Variants in PPP3R1 observed in about 807,000 individuals in gnomAD.
The protein encoded by PPP3R1 is calcineurin subunit B type 1.
In PPP3R1, 5 loss-of-function variants were observed where a neutral mutation model predicts 22.6. The observed-to-expected ratio is 0.22, with a 90% confidence interval of 0.12 to 0.46. The LOEUF (loss-of-function observed/expected upper bound fraction) is 0.46. Among genes scored for constraint, PPP3R1 ranks in the 20% least tolerant of loss-of-function variants. The pLI is 0.99. For missense variants in PPP3R1, 61 were observed against 203.2 expected (o/e 0.30, Z 4.25); for synonymous variants, 56 against 65.2 (o/e 0.86, Z 0.68).
intron 2 of PPP3R1, among the ~76,000 whole-genome samples, chr2:68,191,024 A>G (rs1674656224): frequency 6.6e-6 from 1 of 152,354 alleles, no homozygotes; most frequent in Admixed American, 6.5e-5. Context: ...TACTCTATCC[A>G]TATTTTTCCC....
chr2:68,198,396 T>C (rs1029137871), intron 2 of PPP3R1, among the ~76,000 whole-genome samples: 8 of 77,988 alleles, frequency 1.0e-4, no homozygotes, highest in South Asian at 4.0e-4. Context: ...TATATATGTA[T>C]ATATATGTGT....
At chr2:68,196,975 T>C (rs1039825798) in intron 2 of PPP3R1, among the ~76,000 whole-genome samples, 4 of 152,220 alleles carry the variant, frequency 2.6e-5, no homozygotes, top group African/African-American at 4.8e-5. Context: ...TCTGCCCACC[T>C]TGGCCTCCCA....
intron 1 of PPP3R1, among the ~76,000 whole-genome samples, chr2:68,217,894 A>G (rs541021671): frequency 2.0e-5 from 3 of 152,226 alleles, no homozygotes; most frequent in African/African-American, 7.2e-5. Flanking sequence ...ACATTTAACA[A>G]CTCTTGAGAA....
chr2:68,209,523 G>T (rs1311401242), intron 2 of PPP3R1, among the ~76,000 whole-genome samples: 3 of 151,948 alleles, frequency 2.0e-5, no homozygotes, highest in Non-Finnish European at 4.4e-5. Flanking sequence ...AGAGGCTGAG[G>T]TGCATGGATT....
At chr2:68,210,536 A>G (rs747976045) in intron 2 of PPP3R1, among the ~76,000 whole-genome samples, 1 of 152,236 alleles carries the variant, frequency 6.6e-6, no homozygotes, top group Non-Finnish European at 1.5e-5. Flanking sequence ...AAATCCAACT[A>G]AGTCAGACAA....
At chr2:68,248,160 T>C (rs1177529112) in intron 1 of PPP3R1, among the ~76,000 whole-genome samples, 4 of 152,170 alleles carry the variant, frequency 2.6e-5, no homozygotes, top group Non-Finnish European at 5.9e-5. Context: ...CATGCTTCCA[T>C]GACTTCGAAC....
At chr2:68,249,758 A>G (rs904450060) in intron 1 of PPP3R1, among the ~76,000 whole-genome samples, 4 of 152,100 alleles carry the variant, frequency 2.6e-5, no homozygotes, top group African/African-American at 9.7e-5. Flanking sequence ...CGTTTAAGGC[A>G]CCAACTAAAA....
At chr2:68,243,219 A>G (rs1376520829) in intron 1 of PPP3R1, among the ~76,000 whole-genome samples, 1 of 152,240 alleles carries the variant, frequency 6.6e-6, no homozygotes, top group Non-Finnish European at 1.5e-5. Flanking sequence ...AGAAATCTTC[A>G]AACATTTTAA....
chr2:68,211,406 CAAAAAAAAAA>C (rs3979551), intron 2 of PPP3R1, among the ~76,000 whole-genome samples: 34 of 77,412 alleles, frequency 4.4e-4, no homozygotes, highest in African/African-American at 1.8e-3. Context: ...GACTCTGTCT[CAAAAAAAAAA>C]AAAAAAAAAC....
At chr2:68,207,102 GA>G (rs11414849) in intron 2 of PPP3R1, among the ~76,000 whole-genome samples, 1,584 of 128,832 alleles carry the variant, frequency 0.012, 21 homozygotes, top group African/African-American at 0.044. Context: ...GAGGTTTTGG[GA>G]AAAAAAAAAG....
intron 2 of PPP3R1, among the ~76,000 whole-genome samples, chr2:68,216,437 T>TA (rs1379204322): frequency 2.0e-5 from 3 of 151,692 alleles, no homozygotes; most frequent in Non-Finnish European, 4.4e-5. Flanking sequence ...ACAAAAAACT[T>TA]AGTGATTCTA....
chr2:68,237,993 T>C (rs774702125), intron 1 of PPP3R1, among the ~76,000 whole-genome samples: 4 of 152,162 alleles, frequency 2.6e-5, no homozygotes, highest in Non-Finnish European at 4.4e-5. Flanking sequence ...TACTCAGATA[T>C]GTAACAAGAA....
chr2:68,250,504 G>A (rs749243970), intron 1 of PPP3R1, among the ~76,000 whole-genome samples: 1 of 152,198 alleles, frequency 6.6e-6, no homozygotes, highest in Admixed American at 6.5e-5. Flanking sequence ...AATGAACAAA[G>A]ATCTTCAAGA....
intron 2 of PPP3R1, among the ~76,000 whole-genome samples, chr2:68,190,860 C>T (rs1173377103): frequency 6.6e-6 from 1 of 152,170 alleles, no homozygotes; most frequent in East Asian, 1.9e-4. Flanking sequence ...CAACCTGCAC[C>T]ATACCTTAAA....
rs545470807 is a variant in PPP3R1 at position 68,216,980 on chromosome 2, AG to A, written c.43+111del. ...TAGTTAAGGGCTCACATTGCTACAA[AG>A]GTAAGTAAATATACATTACAGAGGT... is the stretch of plus-strand genomic sequence containing the variant. On this transcript the variant is annotated intron_variant, in intron 2 of 5. Transcript: ENST00000234310. 133 of 743,072 alleles carry A rather than the reference AG, an allele frequency of 1.8e-4. 1 individual carries two copies. The East Asian group carries it at 3.0e-3, about 17-fold the overall frequency. 46.0% of individuals were successfully genotyped at this position (743,072 alleles called of 1,614,324 possible).
At chr2:68,185,649 G>C (rs1448259630) in intron 5 of PPP3R1, among the ~76,000 whole-genome samples, 2 of 151,994 alleles carry the variant, frequency 1.3e-5, no homozygotes, top group African/African-American at 4.8e-5. Context: ...CAACCAGCCT[G>C]GTCTCATGTC....
intron 1 of PPP3R1, 87 bp downstream of exon 1, chr2:68,252,038 C>G (rs1261810129): frequency 1.6e-6 from 2 of 1,279,462 alleles, no homozygotes; most frequent in East Asian, 3.7e-5. Context: ...GGACAGCCGA[C>G]CGGGGGCGTC....
intron 1 of PPP3R1, among the ~76,000 whole-genome samples, chr2:68,232,830 C>T (rs1479192231): frequency 2.0e-5 from 3 of 152,168 alleles, no homozygotes; most frequent in African/African-American, 7.2e-5. Context: ...TGGTCTCCAA[C>T]ACTTGATCTC....
intron 5 of PPP3R1, among the ~76,000 whole-genome samples, chr2:68,182,562 T>A (rs1432120242): frequency 2.0e-5 from 3 of 151,332 alleles, no homozygotes; most frequent in Non-Finnish European, 2.9e-5. Context: ...ACGCCTGTAA[T>A]CCCAGCACTT....
Sources: gnomAD v4.1 joint callset for allele counts (sites outside exome capture counted in the v4.1 genomes callset) on GRCh38, gnomAD v4.1.1 for gene constraint, MANE v1.5 for transcripts, NCBI Gene and HGNC (gene_info 2026-07-23, HGNC 2026-07-21) for gene names.